CAPZB: variants seen among roughly 807,000 people sequenced by gnomAD.
The protein encoded by CAPZB is capping actin protein of muscle Z-line subunit beta.
A neutral mutation model predicts 38.1 loss-of-function variants in CAPZB; 2 were observed. That is an observed-to-expected ratio of 0.05 (90% CI 0.02 to 0.17). The LOEUF (loss-of-function observed/expected upper bound fraction) is 0.17. Ranked by LOEUF, CAPZB falls within the 10% of genes least tolerant of loss-of-function variation. The pLI is 1.00. For synonymous variants in CAPZB, 107 were observed against 127.4 expected (o/e 0.84, Z 1.08); for missense variants, 161 against 334.2 (o/e 0.48, Z 4.04).
At chr1:19,482,887 G>A (rs1013378871) in intron 1 of CAPZB, among the ~76,000 whole-genome samples, 3 of 152,172 alleles carry the variant, frequency 2.0e-5, no homozygotes, top group African/African-American at 4.8e-5. Flanking sequence ...TCAAATAGGG[G>A]ATAAACGTAA....
At chr1:19,385,756 A>T (rs115110021) in intron 2 of CAPZB, 130 bp from the exon 3 acceptor site, 13 of 1,023,312 alleles carry the variant, frequency 1.3e-5, no homozygotes, top group Middle Eastern at 2.1e-4. Context: ...AGACAAAATT[A>T]TGGGCCTGTT....
chr1:19,457,341 G>A (rs1313235808), intron 1 of CAPZB, among the ~76,000 whole-genome samples: 2 of 152,186 alleles, frequency 1.3e-5, no homozygotes, highest in Admixed American at 6.5e-5. Flanking sequence ...AAGGTCCGCA[G>A]TGCTCGCTTC....
At chr1:19,467,489 C>T (rs532042610) in intron 1 of CAPZB, among the ~76,000 whole-genome samples, 14 of 152,234 alleles carry the variant, frequency 9.2e-5, no homozygotes, top group African/African-American at 3.1e-4. Context: ...CCTAAGTCAC[C>T]GCTCTTCTCA....
chr1:19,399,336 A>T (rs757515945), intron 2 of CAPZB, among the ~76,000 whole-genome samples: 2 of 152,210 alleles, frequency 1.3e-5, no homozygotes, highest in Non-Finnish European at 1.5e-5. Flanking sequence ...CATCCAGGAA[A>T]CCAACAGTTT....
chr1:19,365,614 T>TGAG (rs1370182406), intron 4 of CAPZB, among the ~76,000 whole-genome samples: 5 of 152,062 alleles, frequency 3.3e-5, no homozygotes, highest in African/African-American at 1.2e-4. Flanking sequence ...GCAGATCACC[T>TGAG]GAGGTCAGGA....
intron 1 of CAPZB, among the ~76,000 whole-genome samples, chr1:19,446,212 T>C (rs1051415489): frequency 6.6e-6 from 1 of 152,174 alleles, no homozygotes. Context: ...GGCCGGGGTG[T>C]CCAAATACTT....
intron 1 of CAPZB, among the ~76,000 whole-genome samples, chr1:19,483,400 C>G (rs1448457225): frequency 2.0e-5 from 3 of 152,226 alleles, no homozygotes; most frequent in African/African-American, 7.2e-5. Flanking sequence ...GTCACTCCAC[C>G]TCCTGAGCCT....
At chr1:19,366,307 T>TATATATATATATATATATAAATAA (rs1243032633) in intron 4 of CAPZB, among the ~76,000 whole-genome samples, 2 of 74,152 alleles carry the variant, frequency 2.7e-5, no homozygotes, top group Admixed American at 3.0e-4. Context: ...TATATATATA[T>TATATATATATATATATATAAATAA]ATAAATAAAA....
At chr1:19,464,463 T>G (rs1176345616) in intron 1 of CAPZB, among the ~76,000 whole-genome samples, 2 of 151,816 alleles carry the variant, frequency 1.3e-5, no homozygotes, top group Non-Finnish European at 2.9e-5. Flanking sequence ...GGCTAATTTT[T>G]TGTATTTCTA....
At chr1:19,405,234 A>G (rs1413026153) in intron 2 of CAPZB, among the ~76,000 whole-genome samples, 2 of 152,130 alleles carry the variant, frequency 1.3e-5, no homozygotes, top group African/African-American at 2.4e-5. Context: ...ATTTGTGGCC[A>G]TATCGACATG....
At chr1:19,423,786 C>G (rs2094411140) in intron 1 of CAPZB, among the ~76,000 whole-genome samples, 1 of 152,140 alleles carries the variant, frequency 6.6e-6, no homozygotes, top group African/African-American at 2.4e-5. Flanking sequence ...CTCCCAGGCT[C>G]AAGCCATCCT....
intron 2 of CAPZB, among the ~76,000 whole-genome samples, chr1:19,397,639 G>T (rs577461995): frequency 6.6e-6 from 1 of 152,190 alleles, no homozygotes; most frequent in Admixed American, 6.5e-5. Flanking sequence ...ACCTACTAGG[G>T]TACAGCATCA....
rs370915752 is a variant in CAPZB, at chr1:19,401,703, T to C, written c.94-16077A>G. Among the ~76,000 whole-genome samples, 12 of 152,340 alleles carry C rather than the reference T, an allele frequency of 7.9e-5. 1 individual carries two copies. Among genetic ancestry groups the C allele is most frequent in the Admixed American group, 1.3e-4 (2 of 15,292 alleles). ...TCAGGGGAGGACTAAACAACCCCTT[T>C]AGAGCTACGTGCTGTGTTTTTTGTT... On this transcript the variant is annotated intron_variant, in intron 2 of 8. Transcript: ENST00000264202.
At chr1:19,409,601 G>A (rs140837387) in intron 2 of CAPZB, among the ~76,000 whole-genome samples, 3 of 152,304 alleles carry the variant, frequency 2.0e-5, no homozygotes, top group African/African-American at 7.2e-5. Context: ...GGTTGTCTGG[G>A]TTCAAAGCTT....
chr1:19,444,715 T>C, intron 1 of CAPZB, among the ~76,000 whole-genome samples: 1 of 152,194 alleles, frequency 6.6e-6, no homozygotes, highest in Non-Finnish European at 1.5e-5. Context: ...GTAAGATAGC[T>C]CCAAATTGGG....
At chr1:19,391,140 G>A (rs981611595) in intron 2 of CAPZB, among the ~76,000 whole-genome samples, 2 of 151,202 alleles carry the variant, frequency 1.3e-5, no homozygotes, top group Non-Finnish European at 2.9e-5. Context: ...AGAAGTTTCC[G>A]GCCACAAGTG....
At chr1:19,462,154 T>TA (rs953483017) in intron 1 of CAPZB, among the ~76,000 whole-genome samples, 79 of 145,690 alleles carry the variant, frequency 5.4e-4, no homozygotes, top group Admixed American at 6.8e-4. Flanking sequence ...CCCATCTCTT[T>TA]AAAAAAAAAA....
chr1:19,448,214 A>C (rs1222083145), intron 1 of CAPZB, among the ~76,000 whole-genome samples: 2 of 152,248 alleles, frequency 1.3e-5, no homozygotes, highest in Non-Finnish European at 2.9e-5. Flanking sequence ...GCACATCCCA[A>C]ATACCCGCTT....
At chr1:19,423,516 C>CTT (rs11340496) in intron 1 of CAPZB, among the ~76,000 whole-genome samples, 15,221 of 112,624 alleles carry the variant, frequency 0.14, 1,768 homozygotes, top group African/African-American at 0.3. Flanking sequence ...AGTGAACATT[C>CTT]TTTTTTTTTT....
Sources: allele counts gnomAD v4.1 joint callset (sites outside exome capture counted in the v4.1 genomes callset), GRCh38; gene constraint gnomAD v4.1.1; transcripts MANE v1.5; gene names NCBI Gene and HGNC (gene_info 2026-07-23, HGNC 2026-07-21).